GRAMD1B: variants seen among roughly 807,000 people sequenced by gnomAD.
The protein encoded by GRAMD1B is GRAM domain containing 1B.
GRAMD1B carries 37 observed loss-of-function variants against 99.7 expected under a neutral mutation model. The ratio of observed to expected loss-of-function variants is 0.37; its 90% CI spans 0.29 to 0.49. GRAMD1B has a LOEUF of 0.49. GRAMD1B is among the 20% of genes least tolerant of loss of function. The probability of loss-of-function intolerance (pLI) is 0.98; values close to 1 mark genes in which losing one functional copy is unlikely to be tolerated. For synonymous variants in GRAMD1B, 427 were observed against 387.6 expected (o/e 1.10, Z -1.19); for missense variants, 888 against 1,009.2 (o/e 0.88, Z 1.63).
chr11:123,575,982 T>C (rs953600132), intron 2 of GRAMD1B, among the ~76,000 whole-genome samples: 2 of 152,174 alleles, frequency 1.3e-5, no homozygotes, highest in African/African-American at 4.8e-5. Context: ...CTTCCTTTTC[T>C]CTGGTCTCCT....
rs905521722 is a variant in GRAMD1B, at chr11:123,556,435, C to G, written c.453-20932C>G. On this transcript the variant is annotated intron_variant, in intron 2 of 19. Coordinates refer to ENST00000635736, the MANE Select transcript of GRAMD1B (RefSeq NM_001387025.1). ...AATAAAATACTATGTAGACACTGAC[C>G]CTCTTTATATAAAATGTGATTGATC... 3.9e-5 allele frequency among the ~76,000 whole-genome samples: 6 copies of G among 152,182 alleles called. No homozygotes were observed. In the East Asian group the frequency reaches 1.2e-3, roughly 29 times the overall value.
chr11:123,373,905 T>C (rs1297475511), intron 1 of GRAMD1B, among the ~76,000 whole-genome samples: 1 of 152,206 alleles, frequency 6.6e-6, no homozygotes, highest in Non-Finnish European at 1.5e-5. Flanking sequence ...TGCTAATTAT[T>C]TGGCTCTCCA....
At chr11:123,522,956 G>T (rs923348426) in intron 2 of GRAMD1B, among the ~76,000 whole-genome samples, 1 of 152,232 alleles carries the variant, frequency 6.6e-6, no homozygotes, top group Non-Finnish European at 1.5e-5. Context: ...GTGAATAAGA[G>T]AATAGGTTTT....
intron 1 of GRAMD1B, among the ~76,000 whole-genome samples, chr11:123,399,943 T>C (rs1160641312): frequency 3.9e-5 from 6 of 152,152 alleles, no homozygotes; most frequent in Admixed American, 3.9e-4. Flanking sequence ...GCATCCTAAC[T>C]TGTGTGAGGT....
chr11:123,374,949 C>T (rs971885589), intron 1 of GRAMD1B, among the ~76,000 whole-genome samples: 1 of 152,142 alleles, frequency 6.6e-6, no homozygotes, highest in Non-Finnish European at 1.5e-5. Flanking sequence ...ATTAACATAT[C>T]GGAAGTAACA....
chr11:123,380,323 T>G (rs1946830243), intron 1 of GRAMD1B, among the ~76,000 whole-genome samples: 1 of 152,226 alleles, frequency 6.6e-6, no homozygotes, highest in Admixed American at 6.5e-5. Context: ...AGGTCTTTGA[T>G]CCTCATGGTC....
At chr11:123,386,650 T>G (rs1947070641) in intron 1 of GRAMD1B, among the ~76,000 whole-genome samples, 1 of 152,132 alleles carries the variant, frequency 6.6e-6, no homozygotes, top group Non-Finnish European at 1.5e-5. Context: ...GGTTTCACCA[T>G]GTTGGCCAGG....
chr11:123,568,416 G>T (rs763493497), intron 2 of GRAMD1B, among the ~76,000 whole-genome samples: 1 of 152,182 alleles, frequency 6.6e-6, no homozygotes, highest in Admixed American at 6.5e-5. Context: ...CCAAATTTTG[G>T]GCAGATCCTG....
chr11:123,525,765 G>C (rs536406065), intron 2 of GRAMD1B: 2 of 288,094 alleles, frequency 6.9e-6, no homozygotes, highest in South Asian at 7.9e-5. Flanking sequence ...ATGAGGTGAG[G>C]GTGGGGGGCA....
chr11:123,521,843 G>A (rs1486964136), intron 2 of GRAMD1B, among the ~76,000 whole-genome samples: 2 of 152,134 alleles, frequency 1.3e-5, no homozygotes, highest in Non-Finnish European at 2.9e-5. Context: ...TATCTCTAGT[G>A]TGCTCTGGGA....
chr11:123,425,609 G>A (rs1948619724), upstream of GRAMD1B, among the ~76,000 whole-genome samples: 1 of 152,200 alleles, frequency 6.6e-6, no homozygotes, highest in African/African-American at 2.4e-5. Context: ...TGGAAACAAA[G>A]AGCTGACCCT....
At chr11:123,430,128 C>T (rs1437025079), upstream of GRAMD1B, among the ~76,000 whole-genome samples, 1 of 152,148 alleles carries the variant, frequency 6.6e-6, no homozygotes, top group Admixed American at 6.5e-5. Context: ...TCGAGTCCCT[C>T]CCCGAGGGAA....
Position 123,610,038 on chromosome 11 carries a change from G to T in GRAMD1B, c.1776+125G>T. 1 of 840,812 alleles carries T rather than the reference G, an allele frequency of 1.2e-6. No homozygotes were observed. Among genetic ancestry groups the T allele is most frequent in the South Asian group, 1.6e-5 (1 of 62,358 alleles). The allele number at this position is 840,812 out of a possible 1,614,324, so 52.1% of individuals were successfully genotyped here. A position where few individuals can be genotyped will look rare whatever the true frequency, so the allele number is the denominator to read the frequency against. ...AGTGTCATTTTGCCCCAAAGCGGTG[G>T]TGGCGTCTTGCTTGTTTAGTTGCTG... On this transcript the variant is annotated intron_variant, in intron 13 of 19. Transcript: ENST00000635736. The surrounding 1 kb of genome is among the most constrained non-coding windows in gnomAD (Gnocchi z 4.1).
intron 2 of GRAMD1B, among the ~76,000 whole-genome samples, chr11:123,554,355 C>G (rs1013359437): frequency 1.3e-5 from 2 of 151,990 alleles, no homozygotes; most frequent in Non-Finnish European, 2.9e-5. Context: ...TCCCATAAGA[C>G]AGAAACCACA....
chr11:123,360,207 G>A (rs1047616612), intron 1 of GRAMD1B, among the ~76,000 whole-genome samples: 1 of 152,180 alleles, frequency 6.6e-6, no homozygotes, highest in African/African-American at 2.4e-5. Flanking sequence ...AGGTTAGATA[G>A]GAAAGTGTAG....
chr11:123,442,730 A>C (rs1344126326), intron 1 of GRAMD1B, among the ~76,000 whole-genome samples: 2 of 152,214 alleles, frequency 1.3e-5, no homozygotes, highest in Non-Finnish European at 2.9e-5. Context: ...AGATCGCACC[A>C]CTGCACTCCA....
chr11:123,424,900 C>A (rs113591702), intron 1 of GRAMD1B, among the ~76,000 whole-genome samples: 4 of 152,142 alleles, frequency 2.6e-5, no homozygotes, highest in Admixed American at 2.6e-4. Context: ...AGTGTTCTAG[C>A]GTAACAACTA....
intron 1 of GRAMD1B, among the ~76,000 whole-genome samples, chr11:123,364,798 G>A (rs887064634): frequency 6.6e-6 from 1 of 151,752 alleles, no homozygotes; most frequent in Admixed American, 6.6e-5. Context: ...GTTTTCCCCA[G>A]GCTCCTCTAC....
intron 2 of GRAMD1B, among the ~76,000 whole-genome samples, chr11:123,574,960 A>G (rs758189764): frequency 6.6e-6 from 1 of 152,222 alleles, no homozygotes; most frequent in Non-Finnish European, 1.5e-5. Flanking sequence ...AGAAGTTTCC[A>G]AGAACAGCAC....
Sources: allele counts gnomAD v4.1 joint callset (sites outside exome capture counted in the v4.1 genomes callset), GRCh38; gene constraint gnomAD v4.1.1; non-coding constraint Gnocchi (gnomAD v3.1); transcripts MANE v1.5; gene names NCBI Gene and HGNC (gene_info 2026-07-23, HGNC 2026-07-21).